GRM7: variants seen among roughly 807,000 people sequenced by gnomAD.
The protein encoded by GRM7 is glutamate metabotropic receptor 7.
GRM7 carries 35 observed loss-of-function variants against 84.5 expected under a neutral mutation model. The ratio of observed to expected loss-of-function variants is 0.41; its 90% CI spans 0.32 to 0.55. The LOEUF is 0.55. GRM7 is among the 20% of genes least tolerant of loss of function. GRM7 has a pLI of 0.19. For missense variants in GRM7, 1,003 were observed against 1,194.6 expected (o/e 0.84, Z 2.36); for synonymous variants, 487 against 455.1 (o/e 1.07, Z -0.89).
chr3:7,243,469 T>A (rs1697637138), intron 2 of GRM7, among the ~76,000 whole-genome samples: 1 of 152,104 alleles, frequency 6.6e-6, no homozygotes, highest in African/African-American at 2.4e-5. Context: ...CTGTTCAGGC[T>A]TCTGGGTTAA....
intron 1 of GRM7, among the ~76,000 whole-genome samples, chr3:7,007,699 AAG>A (rs1695228916): frequency 6.6e-6 from 1 of 152,216 alleles, no homozygotes; most frequent in African/African-American, 2.4e-5. Flanking sequence ...TTATTTATGA[AAG>A]AGTTTTAAAT....
At chr3:7,254,574 A>G (rs1698128637) in intron 2 of GRM7, among the ~76,000 whole-genome samples, 1 of 152,204 alleles carries the variant, frequency 6.6e-6, no homozygotes, top group East Asian at 1.9e-4. Flanking sequence ...AAAAACAGCA[A>G]TAACTGTAGA....
intron 4 of GRM7, among the ~76,000 whole-genome samples, chr3:7,324,932 T>C (rs994597741): frequency 1.3e-5 from 2 of 152,178 alleles, no homozygotes; most frequent in African/African-American, 4.8e-5. Context: ...CCAGTATATA[T>C]CAGCCAGGTC....
intron 1 of GRM7, among the ~76,000 whole-genome samples, chr3:7,044,344 A>C (rs541763141): frequency 6.6e-6 from 1 of 152,222 alleles, no homozygotes; most frequent in Non-Finnish European, 1.5e-5. Context: ...TGTGTTTTAA[A>C]TGCTTAAAAA....
chr3:7,277,574 A>T (rs975796130), intron 2 of GRM7, among the ~76,000 whole-genome samples: 2 of 152,136 alleles, frequency 1.3e-5, no homozygotes, highest in African/African-American at 4.8e-5. Flanking sequence ...TCATTGTTTT[A>T]TTAATTCATG....
chr3:7,056,937 A>G (rs1446029889), intron 1 of GRM7, among the ~76,000 whole-genome samples: 2 of 152,114 alleles, frequency 1.3e-5, no homozygotes, highest in East Asian at 3.9e-4. Context: ...GATTTTAAAA[A>G]TCTCATTTTC....
intron 9 of GRM7, among the ~76,000 whole-genome samples, chr3:7,715,666 A>G (rs1489371188): frequency 6.6e-6 from 1 of 152,168 alleles, no homozygotes; most frequent in African/African-American, 2.4e-5. Flanking sequence ...AATAGTACAG[A>G]GAGTTTAACC....
chr3:7,619,872 TTAATTCG>T (rs1697277496), intron 8 of GRM7, among the ~76,000 whole-genome samples: 1 of 152,188 alleles, frequency 6.6e-6, no homozygotes, highest in South Asian at 2.1e-4. Context: ...GGATCTGGCC[TTAATTCG>T]GCATGATGAC....
intron 7 of GRM7, among the ~76,000 whole-genome samples, chr3:7,534,469 C>T (rs925625751): frequency 7.2e-5 from 11 of 152,076 alleles, no homozygotes; most frequent in Non-Finnish European, 1.3e-4. Flanking sequence ...AGGATTTGAA[C>T]GCATGTCTGG....
rs1694769904 is a variant in GRM7, at chr3:6,861,968, A to C, written c.519+61A>C. ...TGGCTACCTGCGCCCTTAACCCTAA[A>C]AGCTGGCTTGGACTCCGGTGGTGCG... is the stretch of plus-strand genomic sequence containing the variant. On this transcript the variant is annotated intron_variant, in intron 1 of 9. Coordinates refer to ENST00000357716, the MANE Select transcript of GRM7 (RefSeq NM_000844.4). The surrounding 1 kb of genome is among the most constrained non-coding windows in gnomAD (Gnocchi z 6.4). 6.9e-7 allele frequency: 1 copy of C among 1,441,864 alleles called. No homozygotes were observed. The highest frequency in any genetic ancestry group is 9.5e-7 in the Non-Finnish European group (1 of 1,054,100). The allele number at this position is 1,441,864 out of a possible 1,614,324, so 89.3% of individuals were successfully genotyped here. A position where few individuals can be genotyped will look rare whatever the true frequency, so the allele number is the denominator to read the frequency against.
chr3:6,908,774 A>T (rs144852857), intron 1 of GRM7, among the ~76,000 whole-genome samples: 1 of 152,164 alleles, frequency 6.6e-6, no homozygotes, highest in East Asian at 1.9e-4. Flanking sequence ...TATGAGAAAC[A>T]TGAGATGTCT....
chr3:7,021,060 C>G (rs1480919835), intron 1 of GRM7, among the ~76,000 whole-genome samples: 2 of 152,124 alleles, frequency 1.3e-5, no homozygotes, highest in African/African-American at 2.4e-5. Context: ...ATTATGTTTT[C>G]TATACACATT....
At chr3:7,028,938 T>A (rs1215510073) in intron 1 of GRM7, among the ~76,000 whole-genome samples, 1 of 152,168 alleles carries the variant, frequency 6.6e-6, no homozygotes, top group African/African-American at 2.4e-5. Context: ...TGCACTGCTG[T>A]TGGGAATGTA....
At chr3:7,433,002 C>A (rs1285213392) in intron 5 of GRM7, among the ~76,000 whole-genome samples, 1 of 151,968 alleles carries the variant, frequency 6.6e-6, no homozygotes, top group Non-Finnish European at 1.5e-5. Flanking sequence ...AGACAATAAT[C>A]CATAGATCAA....
chr3:7,053,916 TG>T (rs1697108439), intron 1 of GRM7, among the ~76,000 whole-genome samples: 1 of 151,222 alleles, frequency 6.6e-6, no homozygotes, highest in Non-Finnish European at 1.5e-5. Flanking sequence ...AAATTTTGAT[TG>T]GGATTATAAT....
intron 2 of GRM7, among the ~76,000 whole-genome samples, chr3:7,189,956 G>A (rs1295936068): frequency 6.6e-6 from 1 of 151,976 alleles, no homozygotes; most frequent in African/African-American, 2.4e-5. Context: ...TAAAAGCAAT[G>A]TAGACACACA....
chr3:7,008,416 A>G (rs1695254998), intron 1 of GRM7, among the ~76,000 whole-genome samples: 1 of 152,190 alleles, frequency 6.6e-6, no homozygotes, highest in South Asian at 2.1e-4. Flanking sequence ...GACAATTCAC[A>G]TCATCCTAGG....
chr3:7,449,587 T>C (rs375863353), intron 5 of GRM7, among the ~76,000 whole-genome samples: 28 of 152,176 alleles, frequency 1.8e-4, no homozygotes, highest in Middle Eastern at 3.4e-3. Context: ...GCCTTTATAA[T>C]TGAAACTCTA....
chr3:7,231,622 TG>T (rs1344467431), intron 2 of GRM7, among the ~76,000 whole-genome samples: 7 of 152,340 alleles, frequency 4.6e-5, no homozygotes, highest in African/African-American at 1.4e-4. Context: ...TACTGGCTTA[TG>T]ATGTCTGAGG....
Sources: allele counts gnomAD v4.1 joint callset (sites outside exome capture counted in the v4.1 genomes callset), GRCh38; gene constraint gnomAD v4.1.1; non-coding constraint Gnocchi (gnomAD v3.1); transcripts MANE v1.5; gene names NCBI Gene and HGNC (gene_info 2026-07-23, HGNC 2026-07-21).